LRMDA: variants seen among roughly 807,000 people sequenced by gnomAD.
LRMDA encodes leucine rich melanocyte differentiation associated, also known as leucine-rich melanocyte differentiation-associated protein.
Under a neutral mutation model 29.8 loss-of-function variants are expected in LRMDA, and 18 were observed. That is an observed-to-expected ratio of 0.60 (90% CI 0.42 to 0.90). LRMDA has a LOEUF of 0.90. Ranked by LOEUF, LRMDA falls within the 40% of genes least tolerant of loss-of-function variation. LRMDA has a pLI of 0.00. For missense variants in LRMDA, 273 were observed against 273.9 expected (o/e 1.00, Z 0.02); for synonymous variants, 125 against 109.4 (o/e 1.14, Z -0.89).
intron 2 of LRMDA, among the ~76,000 whole-genome samples, chr10:75,983,425 G>A (rs1406690757): frequency 6.6e-6 from 1 of 152,138 alleles, no homozygotes; most frequent in Admixed American, 6.5e-5. Context: ...GTTCTGTGAG[G>A]GAGAGGTGAT....
Position 76,052,121 on chromosome 10 carries a change from C to T in LRMDA, c.398+4818C>T, listed in dbSNP as rs147264947. 3.9e-3 allele frequency among the ~76,000 whole-genome samples: 600 copies of T among 152,368 alleles called. 3 individuals carry two copies. Among genetic ancestry groups the T allele is most frequent in the African/African-American group, 0.013 (534 of 41,586 alleles). ...TTGAGAATGGCTCACAGATCACCCA[C>T]TGCTGCCTTCAGGGGTCTCAGGTAG... On this transcript the variant is annotated intron_variant, in intron 4 of 6. Transcript: ENST00000611255.
intron 6 of LRMDA, among the ~76,000 whole-genome samples, chr10:76,361,955 A>C (rs1263756808): frequency 6.6e-6 from 1 of 152,128 alleles, no homozygotes; most frequent in South Asian, 2.1e-4. Flanking sequence ...AAGTACTTTT[A>C]TTATCTCTGT....
chr10:75,456,754 C>A (rs1280900598), intron 2 of LRMDA, among the ~76,000 whole-genome samples: 1 of 152,248 alleles, frequency 6.6e-6, no homozygotes, highest in Admixed American at 6.5e-5. Context: ...TGGCTCACTG[C>A]AACCTCCGCC....
chr10:76,412,169 A>G (rs749526699), intron 6 of LRMDA, among the ~76,000 whole-genome samples: 1 of 152,192 alleles, frequency 6.6e-6, no homozygotes, highest in Non-Finnish European at 1.5e-5. Context: ...AATAAGTGAA[A>G]TCTTGCCTTA....
intron 6 of LRMDA, among the ~76,000 whole-genome samples, chr10:76,477,600 C>A (rs1842689100): frequency 6.6e-6 from 1 of 152,112 alleles, no homozygotes; most frequent in Non-Finnish European, 1.5e-5. Flanking sequence ...CCAAGGCAAT[C>A]CTAAGCCGAA....
At chr10:75,456,310 T>C (rs558371011) in intron 2 of LRMDA, among the ~76,000 whole-genome samples, 3 of 152,318 alleles carry the variant, frequency 2.0e-5, no homozygotes, top group African/African-American at 7.2e-5. Context: ...AGCATGTGCC[T>C]CTTCACACCC....
chr10:75,578,428 A>T (rs1840539653), intron 2 of LRMDA, among the ~76,000 whole-genome samples: 2 of 151,966 alleles, frequency 1.3e-5, no homozygotes, highest in Admixed American at 1.3e-4. Flanking sequence ...CTACAAAGAG[A>T]CTTAGACTCC....
chr10:75,685,136 A>T (rs1842066117), intron 2 of LRMDA, among the ~76,000 whole-genome samples: 1 of 152,090 alleles, frequency 6.6e-6, no homozygotes, highest in Admixed American at 6.6e-5. Context: ...ATTTTGTTGG[A>T]TGTAAAGCTG....
intron 5 of LRMDA, among the ~76,000 whole-genome samples, chr10:76,217,274 A>T (rs1314545487): frequency 6.6e-6 from 1 of 152,192 alleles, no homozygotes; most frequent in Non-Finnish European, 1.5e-5. Flanking sequence ...AAGAGATTTC[A>T]TGGCTTCATT....
intron 6 of LRMDA, among the ~76,000 whole-genome samples, chr10:76,554,870 G>GGTGTGT (rs72203665): frequency 1.8e-4 from 27 of 150,620 alleles, no homozygotes; most frequent in African/African-American, 6.4e-4. Context: ...CATGGTGGGT[G>GGTGTGT]GTGTGTGTGT....
intron 2 of LRMDA, among the ~76,000 whole-genome samples, chr10:75,930,728 C>A (rs1234129151): frequency 6.6e-6 from 1 of 152,144 alleles, no homozygotes; most frequent in East Asian, 1.9e-4. Flanking sequence ...TCTTTGAGTG[C>A]AATGTTCATT....
chr10:75,664,695 A>C (rs1174642150), intron 2 of LRMDA, among the ~76,000 whole-genome samples: 3 of 152,222 alleles, frequency 2.0e-5, no homozygotes, highest in Non-Finnish European at 4.4e-5. Flanking sequence ...GGGTGAAGGA[A>C]TACAATGATT....
chr10:76,509,284 A>C (rs1842986775), intron 6 of LRMDA, among the ~76,000 whole-genome samples: 1 of 152,142 alleles, frequency 6.6e-6, no homozygotes, highest in Non-Finnish European at 1.5e-5. Context: ...CCAAGATAGA[A>C]TTTAGGCAGA....
intron 5 of LRMDA, among the ~76,000 whole-genome samples, chr10:76,173,235 A>C (rs909499508): frequency 1.3e-5 from 2 of 152,230 alleles, no homozygotes; most frequent in African/African-American, 4.8e-5. Flanking sequence ...CAGAAAAATC[A>C]CTGAAGAAAA....
At chr10:75,972,082 G>T (rs2132439733) in intron 2 of LRMDA, among the ~76,000 whole-genome samples, 1 of 152,328 alleles carries the variant, frequency 6.6e-6, no homozygotes, top group Middle Eastern at 3.4e-3. Context: ...GCTCTTGGAT[G>T]TATCGCTTCA....
rs189548999 is a variant in LRMDA at position 75,431,718 on chromosome 10, G to A, written c.-7G>A. 6 of 1,350,758 alleles carry A rather than the reference G, an allele frequency of 4.4e-6. No individual in the cohort carries two copies. The South Asian group carries it at 6.0e-5, about 13-fold the overall frequency. The allele number at this position is 1,350,758 out of a possible 1,614,324, so 83.7% of individuals were successfully genotyped here. On this transcript the variant is annotated 5_prime_UTR_variant, in exon 1 of 7. Transcript: ENST00000611255. Reference sequence around the variant, plus strand: ...CCGTCCCGCGCGCCCGCAGCGTCCTGGCCGCCATGGCCGGGCTCGTGGTGC... The same window carrying A: ...CCGTCCCGCGCGCCCGCAGCGTCCTAGCCGCCATGGCCGGGCTCGTGGTGC...
rs2132033458 is a variant in LRMDA at position 76,039,577 on chromosome 10, C to A, written c.258+3443C>A. On this transcript the variant is annotated intron_variant, in intron 3 of 6. Coordinates refer to ENST00000611255, the MANE Select transcript of LRMDA (RefSeq NM_001305581.2). ...ATGCTGTAGGTTCCTAGACCCTGGACACTTGGGTCATTGGCTTCTTTAATC... is the reference window on the plus strand; with the variant it reads ...ATGCTGTAGGTTCCTAGACCCTGGAAACTTGGGTCATTGGCTTCTTTAATC... Among the ~76,000 whole-genome samples the A allele has an allele frequency of 2.0e-5, 3 of 152,310 alleles. 1 individual carries two copies. In the Middle Eastern group the frequency reaches 0.01, roughly 518 times the overall value.
At chr10:75,530,906 G>A (rs766493907) in intron 2 of LRMDA, among the ~76,000 whole-genome samples, 5 of 152,132 alleles carry the variant, frequency 3.3e-5, no homozygotes, top group African/African-American at 4.8e-5. Context: ...CTATAGTTCC[G>A]GCACTATGGG....
chr10:75,618,355 A>ACTCTCTCTCTCTCT (rs753240055), intron 2 of LRMDA, among the ~76,000 whole-genome samples: 3 of 131,870 alleles, frequency 2.3e-5, no homozygotes, highest in African/African-American at 8.9e-5. Context: ...TCTTTACCAG[A>ACTCTCTCTCTCTCT]CTCTCTCTCT....
Sources: allele counts gnomAD v4.1 joint callset (sites outside exome capture counted in the v4.1 genomes callset), GRCh38; gene constraint gnomAD v4.1.1; transcripts MANE v1.5; gene names NCBI Gene and HGNC (gene_info 2026-07-23, HGNC 2026-07-21).